The following PIEZO2 variants were observed in gnomAD, a reference collection of about 807,000 sequenced individuals.
PIEZO2 encodes piezo type mechanosensitive ion channel component 2.
In PIEZO2, 172 loss-of-function variants were observed where a neutral mutation model predicts 337.3. The ratio of observed to expected loss-of-function variants is 0.51; its 90% CI spans 0.45 to 0.58. The LOEUF is 0.58. Among genes scored for constraint, PIEZO2 ranks in the 20% least tolerant of loss-of-function variants. The pLI is 0.00. For missense variants in PIEZO2, 3,028 were observed against 3,391.3 expected, an observed-to-expected ratio of 0.89 and a Z score of 2.66; for synonymous variants, 1,251 against 1,228.5, an observed-to-expected ratio of 1.02 and a Z score of -0.38.
chr18:10,814,372 C>T (rs1291910324), intron 7 of PIEZO2, among the ~76,000 whole-genome samples: 1 of 152,136 alleles, frequency 6.6e-6, no homozygotes, highest in Admixed American at 6.6e-5. Flanking sequence ...TTGTTTCCAA[C>T]TAGCATAAAA....
rs1348825499 is a variant in PIEZO2, at chr18:10,828,045, A to G, written c.918-20771T>C. ...TTTTATAAGCAAAAGATGAATAAAC[A>G]TATAAACTATTGCAACCCCAAGGCA... On this transcript the variant is annotated intron_variant, in intron 7 of 55. Transcript: ENST00000674853. This position sits in a 1 kb window ranked among gnomAD's most constrained non-coding sequence, Gnocchi z 4.1. Among the ~76,000 whole-genome samples the G allele has an allele frequency of 6.6e-6, 1 of 152,192 alleles. No homozygotes were observed. Among genetic ancestry groups the G allele is most frequent in the Non-Finnish European group, 1.5e-5 (1 of 68,036 alleles).
At chr18:10,925,124 T>C (rs911027357) in intron 3 of PIEZO2, among the ~76,000 whole-genome samples, 1 of 152,230 alleles carries the variant, frequency 6.6e-6, no homozygotes, top group African/African-American at 2.4e-5. Context: ...GATAAAAATA[T>C]ATGCCATGAT....
rs146586549 is a variant in PIEZO2 at position 10,734,645 on chromosome 18, A to G, written c.4914+587T>C. Among the ~76,000 whole-genome samples the G allele has an allele frequency of 8.4e-3, 1,281 of 152,342 alleles. 8 individuals carry two copies. Among genetic ancestry groups the G allele is most frequent in the Admixed American group, 0.012 (186 of 15,306 alleles). On this transcript the variant is annotated intron_variant, in intron 35 of 55. Coordinates refer to ENST00000674853, the MANE Select transcript of PIEZO2 (RefSeq NM_001378183.1). ...GGTAGCTGAATAACTTCAACTGTGC[A>G]TTAGGTTAATCAACAAATAATTTTT...
chr18:11,148,754 T>C lies in PIEZO2; in HGVS notation c.-166A>G. On this transcript the variant is annotated 5_prime_UTR_variant, in exon 1 of 56. Coordinates refer to ENST00000674853, the MANE Select transcript of PIEZO2 (RefSeq NM_001378183.1). This position sits in a 1 kb window ranked among gnomAD's most constrained non-coding sequence, Gnocchi z 5.2. ...GACGCTCTCCGCCCCGAGGGCACGC[T>C]CCCGGGGCTCTTGGCCGCCCCTCGC... 3.1e-6 allele frequency: 2 copies of C among 643,126 alleles called. No individual in the cohort carries two copies. Among genetic ancestry groups the C allele is most frequent in the Non-Finnish European group, 5.1e-6 (2 of 395,548 alleles). The allele number at this position is 643,126 out of a possible 1,614,324, so 39.8% of individuals were successfully genotyped here.
At chr18:11,135,949 G>T (rs1422544341) in intron 1 of PIEZO2, among the ~76,000 whole-genome samples, 1 of 152,188 alleles carries the variant, frequency 6.6e-6, no homozygotes, top group Admixed American at 6.5e-5. Context: ...ACCAACTGGT[G>T]TCATAAGGAT....
At position 11,146,833 on chromosome 18, in the gene PIEZO2, T is replaced by G. The variant is rs957156435; in HGVS notation, c.64+1692A>C. ...GTCCCTTGGAGAGCGGGATGGGGGA[T>G]GGGGAAGAGGGTGTCCATCCTCCAG... On this transcript the variant is annotated intron_variant, in intron 1 of 55. Transcript: ENST00000674853. This position sits in a 1 kb window ranked among gnomAD's most constrained non-coding sequence, Gnocchi z 6.1. Among the ~76,000 whole-genome samples, 40 of 152,194 alleles carry G rather than the reference T, an allele frequency of 2.6e-4. No homozygotes were observed. The highest frequency in any genetic ancestry group is 4.9e-4 in the Non-Finnish European group (33 of 67,990).
chr18:11,106,451 G>A (rs534191843), intron 1 of PIEZO2, among the ~76,000 whole-genome samples: 4 of 136,368 alleles, frequency 2.9e-5, no homozygotes, highest in African/African-American at 1.1e-4. Flanking sequence ...ACAGGGTCTC[G>A]CTCTGTTGCT....
In PIEZO2 at chr18:10,953,352, T is replaced by C. The variant is rs376241992; in HGVS notation, c.286+26183A>G. On this transcript the variant is annotated intron_variant, in intron 3 of 55. Transcript: ENST00000674853. This position sits in a 1 kb window ranked among gnomAD's most constrained non-coding sequence, Gnocchi z 5.2. Reference sequence around the variant, plus strand: ...AAGATTACAAACATTTTCTCCTATATTTTTTGCAAGAGTTTTATGGTTTCA... The same window carrying C: ...AAGATTACAAACATTTTCTCCTATACTTTTTGCAAGAGTTTTATGGTTTCA... Among the ~76,000 whole-genome samples the C allele has an allele frequency of 1.3e-5, 2 of 152,170 alleles. No individual in the cohort carries two copies. Among genetic ancestry groups the C allele is most frequent in the Admixed American group, 6.5e-5 (1 of 15,278 alleles).
At position 10,821,149 on chromosome 18, in the gene PIEZO2, T is replaced by A. The variant is rs1455224311; in HGVS notation, c.918-13875A>T. 6.6e-6 allele frequency among the ~76,000 whole-genome samples: 1 copy of A among 152,018 alleles called. No individual in the cohort carries two copies. The highest frequency in any genetic ancestry group is 2.4e-5 in the African/African-American group (1 of 41,410). On this transcript the variant is annotated intron_variant, in intron 7 of 55. Transcript: ENST00000674853. This position sits in a 1 kb window ranked among gnomAD's most constrained non-coding sequence, Gnocchi z 4.2. The stretch of plus-strand genomic sequence containing the variant: ...ATCAGCCTTCTCATCCTCTCCAAAT[T>A]CCCATCTTCAGCTCAGCAAGACCAC...
At chr18:10,880,830 A>G in intron 4 of PIEZO2, among the ~76,000 whole-genome samples, 1 of 129,402 alleles carries the variant, frequency 7.7e-6, no homozygotes, top group Non-Finnish European at 1.6e-5. Context: ...TTCCATTTCA[A>G]CTGCTTCCCA....
At chr18:10,860,908 T>G (rs1270690468) in intron 5 of PIEZO2, among the ~76,000 whole-genome samples, 1 of 152,234 alleles carries the variant, frequency 6.6e-6, no homozygotes, top group Non-Finnish European at 1.5e-5. Flanking sequence ...GTTTTCAGCA[T>G]TTTTATACAG....
rs1008180156 is a variant in PIEZO2 at position 10,750,260 on chromosome 18, C to T, written c.4168-73G>A. 13 of 1,077,870 alleles carry T rather than the reference C, an allele frequency of 1.2e-5. No individual in the cohort carries two copies. The highest frequency in any genetic ancestry group is 1.5e-5 in the Non-Finnish European group (11 of 730,198). The allele number at this position is 1,077,870 out of a possible 1,614,324, so 66.8% of individuals were successfully genotyped here. On this transcript the variant is annotated intron_variant, in intron 28 of 55. Transcript: ENST00000674853. The surrounding 1 kb of genome is among the most constrained non-coding windows in gnomAD (Gnocchi z 4.1). ...AAAAAGTGGTGTTTTATGATCCCAACATGTGCAAGAATTCACAAGGTCTCA... is the reference window on the plus strand; with the variant it reads ...AAAAAGTGGTGTTTTATGATCCCAATATGTGCAAGAATTCACAAGGTCTCA...
At position 11,066,251 on chromosome 18, in the gene PIEZO2, G is replaced by A. The variant is rs1410745526; in HGVS notation, c.65-29C>T. On this transcript the variant is annotated intron_variant, in intron 1 of 55. Coordinates refer to ENST00000674853, the MANE Select transcript of PIEZO2 (RefSeq NM_001378183.1). ...TGGGTGGGAAGAGAGAAGAGAGTGA[G>A]AAGATCATTAACAAAGGCAGGTTGA... The A allele has an allele frequency of 2.6e-6, 4 of 1,509,538 alleles. No individual in the cohort carries two copies. In the African/African-American group the frequency reaches 5.5e-5, roughly 21 times the overall value. 93.5% of individuals were successfully genotyped at this position (1,509,538 alleles called of 1,614,324 possible).
Position 10,969,552 on chromosome 18 carries a change from T to C in PIEZO2, c.286+9983A>G, listed in dbSNP as rs1359938913. On this transcript the variant is annotated intron_variant, in intron 3 of 55. Coordinates refer to ENST00000674853, the MANE Select transcript of PIEZO2 (RefSeq NM_001378183.1). This position sits in a 1 kb window ranked among gnomAD's most constrained non-coding sequence, Gnocchi z 4.5. ...TAGCTTTCTCATTTATGGTTTTCTG[T>C]CTTAATTTTCCCAAATCCAAATGGA... Among the ~76,000 whole-genome samples the C allele has an allele frequency of 6.6e-6, 1 of 152,162 alleles. No individual in the cohort carries two copies. Among genetic ancestry groups the C allele is most frequent in the Non-Finnish European group, 1.5e-5 (1 of 68,036 alleles).
chr18:11,043,249 A>G (rs1333469287), intron 2 of PIEZO2, among the ~76,000 whole-genome samples: 39 of 70,460 alleles, frequency 5.5e-4, no homozygotes, highest in South Asian at 3.5e-3. Flanking sequence ...AAACGCACAC[A>G]CACACACACA....
At chr18:10,807,818 C>T (rs775591901) in intron 7 of PIEZO2, among the ~76,000 whole-genome samples, 1 of 152,120 alleles carries the variant, frequency 6.6e-6, no homozygotes, top group Non-Finnish European at 1.5e-5. Context: ...CTATCAAATA[C>T]CATTTATGAG....
intron 7 of PIEZO2, among the ~76,000 whole-genome samples, chr18:10,809,174 A>T (rs571621289): frequency 1.3e-5 from 2 of 151,424 alleles, no homozygotes; most frequent in South Asian, 2.1e-4. Flanking sequence ...GAAGCTAACC[A>T]GTAGCAGATT....
rs138529216 is a variant in PIEZO2 at position 11,135,300 on chromosome 18, G to T, written c.64+13225C>A. ...AAACAAACGCCAGGGCTATTTTAAG[G>T]TAGGAGAAGCTGGGTGAATAAACAT... is the stretch of plus-strand genomic sequence containing the variant. On this transcript the variant is annotated intron_variant, in intron 1 of 55. Transcript: ENST00000674853. Among the ~76,000 whole-genome samples, 725 of 152,262 alleles carry T rather than the reference G, an allele frequency of 4.8e-3. 5 individuals carry two copies. Among genetic ancestry groups the T allele is most frequent in the African/African-American group, 0.016 (676 of 41,530 alleles).
At chr18:10,808,666 C>A (rs899599014) in intron 7 of PIEZO2, among the ~76,000 whole-genome samples, 2 of 152,098 alleles carry the variant, frequency 1.3e-5, no homozygotes, top group African/African-American at 4.8e-5. Context: ...AAGTTCCAGA[C>A]AGATTTATTT....
Sources: allele counts gnomAD v4.1 joint callset (sites outside exome capture counted in the v4.1 genomes callset), GRCh38; gene constraint gnomAD v4.1.1; non-coding constraint Gnocchi (gnomAD v3.1); transcripts MANE v1.5; gene names NCBI Gene and HGNC (gene_info 2026-07-23, HGNC 2026-07-21).